The following KHDRBS2 variants were observed in gnomAD, a reference collection of about 807,000 sequenced individuals.
KHDRBS2 encodes KH RNA binding domain containing, signal transduction associated 2, also known as KH domain-containing, RNA-binding, signal transduction-associated protein 2.
Under a neutral mutation model 44.3 loss-of-function variants are expected in KHDRBS2, and 26 were observed. That is an observed-to-expected ratio of 0.59 (90% confidence interval 0.43 to 0.81). The LOEUF is 0.81. Among genes scored for constraint, KHDRBS2 ranks in the 40% least tolerant of loss-of-function variants. The pLI is 0.00. For synonymous variants in KHDRBS2, 194 were observed against 151.1 expected (o/e 1.28, Z -2.08); for missense variants, 476 against 433.1 (o/e 1.10, Z -0.88).
At chr6:61,767,195 T>G (rs1013933235) in intron 6 of KHDRBS2, among the ~76,000 whole-genome samples, 1 of 152,150 alleles carries the variant, frequency 6.6e-6, no homozygotes, top group Non-Finnish European at 1.5e-5. Context: ...GACCACTTTA[T>G]CATTACATAA....
At chr6:61,677,493 A>T (rs1427876806), downstream of KHDRBS2, among the ~76,000 whole-genome samples, 1 of 151,924 alleles carries the variant, frequency 6.6e-6, no homozygotes. Context: ...AATTGTTTTA[A>T]GAGTTTGAAT....
At chr6:61,916,252 A>G (rs368032783) in intron 4 of KHDRBS2, among the ~76,000 whole-genome samples, 1 of 152,050 alleles carries the variant, frequency 6.6e-6, no homozygotes, top group Non-Finnish European at 1.5e-5. Flanking sequence ...TGAATTTTAT[A>G]CAGGCAAAGC....
intron 2 of KHDRBS2, among the ~76,000 whole-genome samples, chr6:62,066,176 T>G (rs925138985): frequency 6.6e-6 from 1 of 151,756 alleles, no homozygotes; most frequent in Non-Finnish European, 1.5e-5. Flanking sequence ...ACAGTCCTAA[T>G]CTTAATTATA....
At chr6:61,675,896 C>T (rs573030375), downstream of KHDRBS2, among the ~76,000 whole-genome samples, 14 of 151,642 alleles carry the variant, frequency 9.2e-5, no homozygotes, top group African/African-American at 1.7e-4. Flanking sequence ...ACATAGACCA[C>T]GCATACAGAT....
At chr6:62,274,846 CAAT>C (rs961145079) in intron 1 of KHDRBS2, among the ~76,000 whole-genome samples, 1 of 152,062 alleles carries the variant, frequency 6.6e-6, no homozygotes, top group African/African-American at 2.4e-5. Flanking sequence ...AAAACACAAA[CAAT>C]AAGAACCAAT....
chr6:62,123,917 A>G (rs144069323), intron 2 of KHDRBS2, among the ~76,000 whole-genome samples: 96 of 152,348 alleles, frequency 6.3e-4, no homozygotes, highest in African/African-American at 2.1e-3. Flanking sequence ...TCCTTGTAAA[A>G]CAACTGCTCT....
intron 1 of KHDRBS2, among the ~76,000 whole-genome samples, chr6:62,202,353 C>T (rs994789702): frequency 1.2e-4 from 19 of 152,078 alleles, no homozygotes; most frequent in African/African-American, 4.6e-4. Context: ...CATCCTTAAT[C>T]TCAAAAGTTT....
At chr6:61,917,514 C>T (rs1472423849) in intron 4 of KHDRBS2, among the ~76,000 whole-genome samples, 7 of 151,770 alleles carry the variant, frequency 4.6e-5, no homozygotes, top group Non-Finnish European at 8.8e-5. Context: ...ATAGGTGGAG[C>T]ACAGAAAATT....
chr6:61,686,406 G>C (rs1766819008), intron 8 of KHDRBS2, among the ~76,000 whole-genome samples: 1 of 151,654 alleles, frequency 6.6e-6, no homozygotes, highest in Non-Finnish European at 1.5e-5. Context: ...ATGTTTCTAA[G>C]GAGTATTATT....
intron 7 of KHDRBS2, among the ~76,000 whole-genome samples, chr6:61,713,311 T>C (rs1770838569): frequency 6.6e-6 from 1 of 151,790 alleles, no homozygotes; most frequent in South Asian, 2.1e-4. Context: ...TCAAAAGATG[T>C]TGAAGAAATT....
chr6:61,579,923 G>A, the KHDRBS2 span, among the ~76,000 whole-genome samples: 91,298 of 148,554 alleles, frequency 0.61, 28,900 homozygotes, highest in African/African-American at 0.65. Flanking sequence ...CAGGTGTGGT[G>A]GCACATGCCT....
At chr6:61,561,098 CAGCCTTTAATAAGAT>C in the KHDRBS2 span, among the ~76,000 whole-genome samples, 43 of 152,258 alleles carry the variant, frequency 2.8e-4, no homozygotes, top group Middle Eastern at 3.4e-3. Flanking sequence ...CTCACCATGG[CAGCCTTTAATAAGAT>C]CTAGAAGAAT....
chr6:61,558,401 A>T, the KHDRBS2 span, among the ~76,000 whole-genome samples: 2 of 151,534 alleles, frequency 1.3e-5, no homozygotes, highest in South Asian at 4.2e-4. Context: ...GTCTCTAAAA[A>T]CTACAAAAAA....
intron 2 of KHDRBS2, among the ~76,000 whole-genome samples, chr6:62,122,121 T>C (rs1430384624): frequency 2.0e-5 from 3 of 152,178 alleles, no homozygotes; most frequent in African/African-American, 7.2e-5. Context: ...AGGTCTAGAC[T>C]GCTGTGCAAG....
chr6:62,168,216 A>G (rs559074229), intron 2 of KHDRBS2, among the ~76,000 whole-genome samples: 3 of 152,266 alleles, frequency 2.0e-5, no homozygotes, highest in African/African-American at 7.2e-5. Context: ...AAAAAGGCCA[A>G]ATTTGGGGCA....
chr6:61,871,075 T>C (rs546193883), intron 6 of KHDRBS2, among the ~76,000 whole-genome samples: 97 of 152,248 alleles, frequency 6.4e-4, no homozygotes, highest in African/African-American at 2.3e-3. Flanking sequence ...TAAAGGAGCA[T>C]GTTCTAACCC....
At chr6:61,809,433 C>G (rs568230305) in intron 6 of KHDRBS2, among the ~76,000 whole-genome samples, 2 of 152,238 alleles carry the variant, frequency 1.3e-5, no homozygotes, top group Non-Finnish European at 2.9e-5. Context: ...AAGGATATTA[C>G]TGCACACAAG....
At chr6:62,122,821 G>A (rs1164434261) in intron 2 of KHDRBS2, among the ~76,000 whole-genome samples, 4 of 137,558 alleles carry the variant, frequency 2.9e-5, no homozygotes, top group Admixed American at 7.1e-5. Flanking sequence ...CATCATCAGA[G>A]TACTTGGAAT....
intron 1 of KHDRBS2, among the ~76,000 whole-genome samples, chr6:62,177,893 G>T (rs574850845): frequency 1.5e-3 from 225 of 151,452 alleles, no homozygotes; most frequent in Non-Finnish European, 2.5e-3. Flanking sequence ...TTATATAGGT[G>T]TTTAAGAAAA....
Sources: allele counts gnomAD v4.1 joint callset (sites outside exome capture counted in the v4.1 genomes callset), GRCh38; gene constraint gnomAD v4.1.1; transcripts MANE v1.5; gene names NCBI Gene and HGNC (gene_info 2026-07-23, HGNC 2026-07-21).